The following MYO6 variants were observed in gnomAD, a reference collection of about 807,000 sequenced individuals.
MYO6 encodes unconventional myosin-VI.
A neutral mutation model predicts 178.7 loss-of-function variants in MYO6; 74 were observed. That is an observed-to-expected ratio of 0.41 (90% CI 0.34 to 0.50). The LOEUF (loss-of-function observed/expected upper bound fraction) is 0.50. Ranked by LOEUF, MYO6 falls within the 20% of genes least tolerant of loss-of-function variation. The probability of loss-of-function intolerance (pLI) is 0.09; values close to 1 mark genes in which losing one functional copy is unlikely to be tolerated. For missense variants in MYO6, 1,330 were observed against 1,547.4 expected (o/e 0.86, Z 2.36); for synonymous variants, 477 against 504.6 (o/e 0.95, Z 0.73).
chr6:75,749,596 G>A (rs1299520945), intron 1 of MYO6, among the ~76,000 whole-genome samples, 173 bp downstream of exon 1: 2 of 152,158 alleles, frequency 1.3e-5, no homozygotes, highest in East Asian at 3.9e-4. Context: ...GGCAGCAGTG[G>A]GGCCGGCGGT....
At chr6:75,875,313 T>TA (rs1318272411) in intron 20 of MYO6, among the ~76,000 whole-genome samples, 2 of 152,180 alleles carry the variant, frequency 1.3e-5, no homozygotes, top group African/African-American at 4.8e-5. Context: ...TTTATTCTGT[T>TA]ACCCAGGCTG....
rs529541127 is a variant in MYO6, at chr6:75,901,412, T to A, written c.3176+3001T>A. 1.1e-4 allele frequency among the ~76,000 whole-genome samples: 16 copies of A among 152,354 alleles called. No homozygotes were observed. The South Asian group carries it at 2.7e-3, about 26-fold the overall frequency. On this transcript the variant is annotated intron_variant, in intron 30 of 34. Coordinates refer to ENST00000369977, the MANE Select transcript of MYO6 (RefSeq NM_004999.4). ...TCTTTTATTTCCTTGAGCAGTGATT[T>A]GTAGTTCTCCTTGAAGAGGTCCTTC...
intron 1 of MYO6, among the ~76,000 whole-genome samples, chr6:75,752,363 T>C (rs2149947891): frequency 6.6e-6 from 1 of 152,322 alleles, no homozygotes; most frequent in South Asian, 2.1e-4. Context: ...GCACATTTAT[T>C]AGGCATCTTC....
At chr6:75,877,206 C>G (rs1224068694) in intron 20 of MYO6, among the ~76,000 whole-genome samples, 1 of 152,014 alleles carries the variant, frequency 6.6e-6, no homozygotes, top group Admixed American at 6.6e-5. Flanking sequence ...CTCCTGACCT[C>G]AGGTGATCCG....
intron 2 of MYO6, among the ~76,000 whole-genome samples, chr6:75,820,292 C>G (rs1771739553): frequency 6.6e-6 from 1 of 152,152 alleles, no homozygotes; most frequent in Non-Finnish European, 1.5e-5. Context: ...TTACCATACC[C>G]CAGGTGATGT....
chr6:75,843,044 A>G (rs1473893232), intron 9 of MYO6, among the ~76,000 whole-genome samples: 1 of 152,156 alleles, frequency 6.6e-6, no homozygotes, highest in Non-Finnish European at 1.5e-5. Context: ...TACATCTGCC[A>G]TCTTGAATAT....
At chr6:75,864,030 A>G (rs16886925) in intron 16 of MYO6, among the ~76,000 whole-genome samples, 3,003 of 152,254 alleles carry the variant, frequency 0.02, 95 homozygotes, top group African/African-American at 0.068. Context: ...AGTTTCGACC[A>G]CAAAGATAGT....
intron 14 of MYO6, among the ~76,000 whole-genome samples, chr6:75,860,791 A>G (rs1370554660): frequency 6.6e-6 from 1 of 152,202 alleles, no homozygotes. Context: ...CATATATATT[A>G]TATCACTGTG....
At chr6:75,886,574 T>A (rs1210473313) in intron 24 of MYO6, among the ~76,000 whole-genome samples, 1 of 152,214 alleles carries the variant, frequency 6.6e-6, no homozygotes, top group Non-Finnish European at 1.5e-5. Context: ...TCTCTATTGA[T>A]CCATCACACC....
At chr6:75,763,873 C>T (rs1337024118) in intron 1 of MYO6, among the ~76,000 whole-genome samples, 1 of 152,086 alleles carries the variant, frequency 6.6e-6, no homozygotes, top group Non-Finnish European at 1.5e-5. Context: ...TTTTCTGTAA[C>T]ACCAGGTAAA....
At chr6:75,823,986 T>C (rs968276858) in intron 3 of MYO6, among the ~76,000 whole-genome samples, 13 of 152,316 alleles carry the variant, frequency 8.5e-5, no homozygotes, top group African/African-American at 2.9e-4. Context: ...GTTTGTCTGA[T>C]TAAATAATAC....
At chr6:75,862,569 T>A (rs1562259325) in intron 15 of MYO6, 27 bp from the exon 16 acceptor site, 1 of 1,585,358 alleles carries the variant, frequency 6.3e-7, no homozygotes, top group Non-Finnish European at 8.7e-7. Context: ...TTTACACTAT[T>A]GTGAGTGTTT....
chr6:75,886,007 A>G lies in MYO6; in HGVS notation c.2420A>G (p.Lys807Arg). 1 of 1,592,966 alleles carries G rather than the reference A, an allele frequency of 6.3e-7. No homozygotes were observed. The highest frequency in any genetic ancestry group is 8.6e-7 in the Non-Finnish European group (1 of 1,161,982). The part of the protein sequence containing the change: ...QWCSLSVIKL[K>R]NKIKYRAEAC... ...TTTATTTTACTCTTACACATAGTGA[A>G]AAACAAAATAAAATATCGAGCTGAA... The change falls in exon 24 of 35, where the codon AAA becomes AGA. Residue 807 changes from lysine to arginine, a missense_variant. Lys to Arg is a conservative substitution (Grantham distance 26). Coordinates refer to ENST00000369977, the MANE Select transcript of MYO6 (RefSeq NM_004999.4).
chr6:75,758,304 C>A (rs911399929), intron 1 of MYO6, among the ~76,000 whole-genome samples: 8 of 152,020 alleles, frequency 5.3e-5, no homozygotes, highest in Non-Finnish European at 1.0e-4. Flanking sequence ...CTTGGGTTAA[C>A]CAGGCAGTAT....
At chr6:75,897,704 A>T (rs1232949886) in intron 29 of MYO6, among the ~76,000 whole-genome samples, 2 of 152,262 alleles carry the variant, frequency 1.3e-5, no homozygotes, top group African/African-American at 4.8e-5. Flanking sequence ...GTTGATGAAC[A>T]CTATGAAACT....
intron 14 of MYO6, 112 bp from the exon 15 acceptor site, chr6:75,860,911 A>G (rs1281807056): frequency 1.2e-6 from 1 of 830,978 alleles, no homozygotes; most frequent in Non-Finnish European, 2.1e-6. Flanking sequence ...AGGCTATACC[A>G]GTTTGTATAA....
chr6:75,907,302 C>A (rs745501466), intron 30 of MYO6, among the ~76,000 whole-genome samples: 1 of 152,008 alleles, frequency 6.6e-6, no homozygotes, highest in Non-Finnish European at 1.5e-5. Context: ...TTTAAGTGTT[C>A]GTATATATAT....
At chr6:75,884,415 A>G (rs1038512786) in intron 23 of MYO6, among the ~76,000 whole-genome samples, 5 of 152,206 alleles carry the variant, frequency 3.3e-5, no homozygotes, top group African/African-American at 9.7e-5. Context: ...TGCCTAAGAC[A>G]GTTTGGGAGG....
intron 20 of MYO6, 120 bp from the exon 21 acceptor site, chr6:75,879,700 G>A: frequency 7.4e-7 from 1 of 1,350,236 alleles, no homozygotes; most frequent in Non-Finnish European, 1.1e-6. Context: ...ATATTTAGTT[G>A]CTGATAATTC....
Sources: gnomAD v4.1 joint callset for allele counts (sites outside exome capture counted in the v4.1 genomes callset) on GRCh38, gnomAD v4.1.1 for gene constraint, MANE v1.5 for transcripts, NCBI Gene and HGNC (gene_info 2026-07-23, HGNC 2026-07-21) for gene names.